The following KANK4 variants were observed in gnomAD, a reference collection of about 807,000 sequenced individuals.
The protein encoded by KANK4 is KN motif and ankyrin repeat domains 4, also known as KN motif and ankyrin repeat domain-containing protein 4.
A neutral mutation model predicts 80.8 loss-of-function variants in KANK4; 50 were observed. The ratio of observed to expected loss-of-function variants is 0.62; its 90% CI spans 0.49 to 0.78. The LOEUF is 0.78. KANK4 is among the 30% of genes least tolerant of loss of function. KANK4 has a pLI of 0.00. For missense variants in KANK4, 1,196 were observed against 1,240.1 expected (o/e 0.96, Z 0.53); for synonymous variants, 465 against 506.9 (o/e 0.92, Z 1.11).
chr1:62,307,660 G>A (rs988445540), intron 1 of KANK4, among the ~76,000 whole-genome samples: 1 of 152,070 alleles, frequency 6.6e-6, no homozygotes, highest in Non-Finnish European at 1.5e-5. Flanking sequence ...CAAGCCAGTT[G>A]GCTGTGGGAC....
At chr1:62,260,708 T>C (rs1671864558) in intron 7 of KANK4, among the ~76,000 whole-genome samples, 1 of 152,146 alleles carries the variant, frequency 6.6e-6, no homozygotes, top group Non-Finnish European at 1.5e-5. Flanking sequence ...GCATCATCCT[T>C]CAGGGACCCT....
rs2149135737 is a variant in KANK4 at position 62,266,744 on chromosome 1, T to C, written c.2307A>G (p.Thr769=). The C allele has an allele frequency of 6.2e-7, 1 of 1,606,364 alleles. No individual in the cohort carries two copies. Residue 769 remains threonine (T), a synonymous_variant, in exon 6 of 10, where the codon ACA becomes ACG. Transcript: ENST00000371153. ...AAAATTAGAGTACCAAGAGCTGGTC[T>C]GTGGTGGTCCCAGTTTCTGGCAGAT... ...SQHLPETGTT[T]DQLLRQSLNT...
At chr1:62,308,626 C>A (rs1338190081) in intron 1 of KANK4, among the ~76,000 whole-genome samples, 5 of 152,144 alleles carry the variant, frequency 3.3e-5, no homozygotes. Flanking sequence ...CAGTTTCCAG[C>A]ACCCACCAAC....
At chr1:62,279,206 A>T (rs1195259727) in intron 2 of KANK4, among the ~76,000 whole-genome samples, 1 of 41,342 alleles carries the variant, frequency 2.4e-5, no homozygotes, top group Admixed American at 2.1e-4. Flanking sequence ...GCGCACACAC[A>T]CACACACACA....
chr1:62,306,133 T>G lies in KANK4; in HGVS notation c.-71+12973A>C, dbSNP rs534271575. Among the ~76,000 whole-genome samples the G allele has an allele frequency of 8.6e-5, 13 of 152,008 alleles. 1 individual carries two copies. In the South Asian group the frequency reaches 2.7e-3, roughly 32 times the overall value. ...CTAAGTAGGTGGGACTACAGGCATG[T>G]GCCACCATGCCCAGCTAATTTTTAT... is the stretch of plus-strand genomic sequence containing the variant. On this transcript the variant is annotated intron_variant, in intron 1 of 9. Coordinates refer to ENST00000371153, the MANE Select transcript of KANK4 (RefSeq NM_181712.5).
chr1:62,245,402 G>C (rs1671441841), intron 9 of KANK4, among the ~76,000 whole-genome samples: 1 of 152,132 alleles, frequency 6.6e-6, no homozygotes, highest in Admixed American at 6.5e-5. Context: ...TGTGACTGAG[G>C]GACTCAGCAG....
At chr1:62,245,797 G>A (rs993837034) in intron 9 of KANK4, among the ~76,000 whole-genome samples, 1 of 152,154 alleles carries the variant, frequency 6.6e-6, no homozygotes, top group African/African-American at 2.4e-5. Flanking sequence ...TATATCTACT[G>A]TAATTATCAG....
chr1:62,269,712 C>T (rs1266506810), intron 4 of KANK4, among the ~76,000 whole-genome samples: 1 of 151,852 alleles, frequency 6.6e-6, no homozygotes, highest in East Asian at 1.9e-4. Flanking sequence ...AGCTTATATT[C>T]TAGAAGGTAG....
intron 7 of KANK4, among the ~76,000 whole-genome samples, chr1:62,260,450 T>A (rs529693007): frequency 3.9e-5 from 6 of 152,060 alleles, no homozygotes; most frequent in Non-Finnish European, 7.4e-5. Flanking sequence ...CTGTTCCTCT[T>A]CTTTCTTGGA....
chr1:62,260,636 TA>T (rs937741041), intron 7 of KANK4, among the ~76,000 whole-genome samples: 8 of 152,110 alleles, frequency 5.3e-5, no homozygotes, highest in African/African-American at 1.7e-4. Context: ...AACATGCCCC[TA>T]AAGCAGCTGT....
intron 6 of KANK4, among the ~76,000 whole-genome samples, chr1:62,265,295 C>G (rs2149134662): frequency 6.6e-6 from 1 of 151,958 alleles, no homozygotes; most frequent in South Asian, 2.1e-4. Flanking sequence ...GGCTGGAGTG[C>G]AGTGGTGCAA....
chr1:62,299,793 A>T (rs1644396711), intron 1 of KANK4, among the ~76,000 whole-genome samples: 5 of 150,960 alleles, frequency 3.3e-5, no homozygotes, highest in Admixed American at 3.3e-4. Context: ...TGTAGGTAGG[A>T]TGTTTTGGAG....
intron 1 of KANK4, among the ~76,000 whole-genome samples, chr1:62,286,678 C>T (rs3850632): frequency 0.26 from 39,593 of 152,084 alleles, 6,327 homozygotes; most frequent in South Asian, 0.38. Flanking sequence ...CTAATGAGGA[C>T]GTAGCCTCCT....
Position 62,271,671 on chromosome 1 carries a change from G to A in KANK4, c.1901-82C>T. On this transcript the variant is annotated intron_variant, in intron 3 of 9. Coordinates refer to ENST00000371153, the MANE Select transcript of KANK4 (RefSeq NM_181712.5). The stretch of plus-strand genomic sequence containing the variant: ...CAAAACCAGGATATTGCTTTGAGGG[G>A]ACAAGGGTTGCAGGTGTGTGGAGAG... 3.9e-6 allele frequency: 4 copies of A among 1,019,610 alleles called. No homozygotes were observed. The South Asian group carries it at 5.1e-5, about 13-fold the overall frequency. The allele number at this position is 1,019,610 out of a possible 1,614,324, so 63.2% of individuals were successfully genotyped here. A position where few individuals can be genotyped will look rare whatever the true frequency, so the allele number is the denominator to read the frequency against.
At chr1:62,303,724 C>A (rs183787543) in intron 1 of KANK4, among the ~76,000 whole-genome samples, 48 of 152,058 alleles carry the variant, frequency 3.2e-4, no homozygotes, top group African/African-American at 9.6e-4. Flanking sequence ...TATAAAATTT[C>A]TCTTTTTTTG....
At chr1:62,299,202 T>G (rs1557505663) in intron 1 of KANK4, among the ~76,000 whole-genome samples, 1 of 152,108 alleles carries the variant, frequency 6.6e-6, no homozygotes, top group East Asian at 1.9e-4. Context: ...GGGCCACAGG[T>G]GCATGCCATG....
intron 4 of KANK4, 79 bp downstream of exon 4, chr1:62,271,399 C>A: frequency 1.1e-6 from 1 of 944,356 alleles, no homozygotes; most frequent in South Asian, 1.3e-5. Flanking sequence ...GATGCCTCCC[C>A]CTAGGAAAAG....
At chr1:62,260,204 T>C (rs1308857074) in intron 7 of KANK4, among the ~76,000 whole-genome samples, 1 of 152,200 alleles carries the variant, frequency 6.6e-6, no homozygotes, top group African/African-American at 2.4e-5. Flanking sequence ...CTGCCTCCGC[T>C]GTGGAGTCCA....
chr1:62,292,428 T>G (rs777231629), intron 1 of KANK4, among the ~76,000 whole-genome samples: 37 of 152,330 alleles, frequency 2.4e-4, no homozygotes, highest in Middle Eastern at 3.4e-3. Flanking sequence ...TGGTGCCACT[T>G]GACTAGACCA....
Sources: allele counts gnomAD v4.1 joint callset (sites outside exome capture counted in the v4.1 genomes callset), GRCh38; gene constraint gnomAD v4.1.1; transcripts MANE v1.5; gene names NCBI Gene and HGNC (gene_info 2026-07-23, HGNC 2026-07-21).